The following EFTUD2 variants were observed in gnomAD, a reference collection of about 807,000 sequenced individuals.
EFTUD2 encodes the protein elongation factor Tu GTP binding domain containing 2.
In EFTUD2, 9 loss-of-function variants were observed where a neutral mutation model predicts 114.3. The ratio of observed to expected loss-of-function variants is 0.08; its 90% CI spans 0.05 to 0.14. EFTUD2 has a LOEUF of 0.14. Among genes scored for constraint, EFTUD2 ranks in the 10% least tolerant of loss-of-function variants. The pLI is 1.00. For synonymous variants in EFTUD2, 449 were observed against 462.3 expected (o/e 0.97, Z 0.37); for missense variants, 765 against 1,241.2 (o/e 0.62, Z 5.76).
chr17:44,865,498 C>T (rs1293149811), intron 13 of EFTUD2, among the ~76,000 whole-genome samples: 1 of 152,168 alleles, frequency 6.6e-6, no homozygotes, highest in Non-Finnish European at 1.5e-5. Flanking sequence ...GCTAAATCAC[C>T]CTCAGTAGAC....
In EFTUD2 at chr17:44,850,105, C is replaced by G; in HGVS notation, c.*1169G>C. ...CCTTGCAGGCTGCTGTGAGGTTTCT[C>G]AGATACACAATACATGTGAAAGTGT... On this transcript the variant is annotated 3_prime_UTR_variant, in exon 28 of 28. Transcript: ENST00000426333. 2.1e-6 allele frequency: 1 copy of G among 466,134 alleles called. No homozygotes were observed. The highest frequency in any genetic ancestry group is 3.2e-5 in the East Asian group (1 of 31,282). 28.9% of individuals were successfully genotyped at this position (466,134 alleles called of 1,614,324 possible). A position where few individuals can be genotyped will look rare whatever the true frequency, so the allele number is the denominator to read the frequency against.
chr17:44,892,520 G>T (rs1023393298), intron 2 of EFTUD2, among the ~76,000 whole-genome samples: 5 of 152,086 alleles, frequency 3.3e-5, no homozygotes, highest in African/African-American at 9.6e-5. Context: ...GGTTAACTGG[G>T]GAAGAAGAGT....
chr17:44,876,398 G>C (rs2050949501), intron 9 of EFTUD2, among the ~76,000 whole-genome samples: 1 of 152,182 alleles, frequency 6.6e-6, no homozygotes, highest in Non-Finnish European at 1.5e-5. Context: ...TGCTGAAATG[G>C]AATTGGGGGT....
chr17:44,863,663 C>A lies in EFTUD2; in HGVS notation c.1405G>T (p.Asp469Tyr). 6.2e-7 allele frequency: 1 copy of A among 1,613,674 alleles called. No individual in the cohort carries two copies. Among genetic ancestry groups the A allele is most frequent in the South Asian group, 1.1e-5 (1 of 90,980 alleles). The part of the protein sequence containing the change: ...SDLGEAMSDC[D>Y]PDGPLMCHTT... ...GAGCCACATGCCCTTACATCAGGGT[C>A]ACAGTCACTCATAGCCTCGCCGAGG... Residue 469 changes from aspartate to tyrosine, a missense_variant, in exon 15 of 28, where the codon GAC becomes TAC. Coordinates refer to ENST00000426333, the MANE Select transcript of EFTUD2 (RefSeq NM_004247.4).
In EFTUD2 at chr17:44,854,216, C is replaced by G; in HGVS notation, c.2347+53G>C. On this transcript the variant is annotated intron_variant, in intron 23 of 27. Coordinates refer to ENST00000426333, the MANE Select transcript of EFTUD2 (RefSeq NM_004247.4). The surrounding 1 kb of genome is among the most constrained non-coding windows in gnomAD (Gnocchi z 4.3). ...ATGGTGAGCCCATCCCACTCATATG[C>G]CTGGCTGCAAGGACCCTCGAGGACT... The G allele has an allele frequency of 2.6e-6, 4 of 1,554,598 alleles. No homozygotes were observed. The highest frequency in any genetic ancestry group is 3.5e-6 in the Non-Finnish European group (4 of 1,144,786).
chr17:44,891,940 A>C (rs527568916), intron 2 of EFTUD2: 5 of 152,004 alleles, frequency 3.3e-5, no homozygotes, highest in Admixed American at 2.0e-4. Context: ...TTGTATTTTT[A>C]GTAGAGACGG....
intron 9 of EFTUD2, among the ~76,000 whole-genome samples, chr17:44,878,861 CAA>C (rs2051019313): frequency 6.6e-6 from 1 of 152,108 alleles, no homozygotes; most frequent in African/African-American, 2.4e-5. Context: ...TAAGGTTAGC[CAA>C]AGTGTTCCAT....
At position 44,880,651 on chromosome 17, in the gene EFTUD2, G is replaced by C; in HGVS notation, c.529-7C>G. The C allele has an allele frequency of 6.2e-7, 1 of 1,611,922 alleles. No homozygotes were observed. The highest frequency in any genetic ancestry group is 8.5e-7 in the Non-Finnish European group (1 of 1,178,396). On this transcript the variant is annotated splice_polypyrimidine_tract_variant and splice_region_variant and intron_variant, in intron 7 of 27. Coordinates refer to ENST00000426333, the MANE Select transcript of EFTUD2 (RefSeq NM_004247.4). ...TTTTGATGCCTACACCTCTCTGAAA[G>C]GAACAAAGAGTGGTCAAGACCTCTT...
intron 2 of EFTUD2, among the ~76,000 whole-genome samples, chr17:44,893,427 T>C (rs2051318993): frequency 1.3e-5 from 2 of 152,182 alleles, no homozygotes; most frequent in Non-Finnish European, 2.9e-5. Context: ...GGGCCCTTTC[T>C]ATTGCTTTTA....
Position 44,854,214 on chromosome 17 carries a change from T to C in EFTUD2, c.2347+55A>G. On this transcript the variant is annotated intron_variant, in intron 23 of 27. Coordinates refer to ENST00000426333, the MANE Select transcript of EFTUD2 (RefSeq NM_004247.4). The surrounding 1 kb of genome is among the most constrained non-coding windows in gnomAD (Gnocchi z 4.3). ...AGATGGTGAGCCCATCCCACTCATATGCCTGGCTGCAAGGACCCTCGAGGA... is the reference window on the plus strand; with the variant it reads ...AGATGGTGAGCCCATCCCACTCATACGCCTGGCTGCAAGGACCCTCGAGGA... The C allele has an allele frequency of 1.3e-6, 2 of 1,550,744 alleles. No individual in the cohort carries two copies. Among genetic ancestry groups the C allele is most frequent in the Non-Finnish European group, 1.8e-6 (2 of 1,141,716 alleles).
At chr17:44,858,203 T>G (rs1680543744) in intron 19 of EFTUD2, among the ~76,000 whole-genome samples, 1 of 152,150 alleles carries the variant, frequency 6.6e-6, no homozygotes, top group South Asian at 2.1e-4. Flanking sequence ...GTTACAGGCG[T>G]GAGCCACCGT....
rs139539083 is a variant in EFTUD2, at chr17:44,860,489, A to T, written c.1662T>A (p.Gly554=). The T allele has an allele frequency of 3.3e-4, 535 of 1,613,782 alleles. No individual in the cohort carries two copies. Among genetic ancestry groups the T allele is most frequent in the Non-Finnish European group, 8.1e-5 (95 of 1,179,986 alleles). The change falls in exon 17 of 28, where the codon GGT becomes GGA. Residue 554 remains glycine, a synonymous_variant. Coordinates refer to ENST00000426333, the MANE Select transcript of EFTUD2 (RefSeq NM_004247.4). ...CTGTCTTCACAATTGGTTGATCAAC[A>T]CCTTCAATCAGAACCCAGTTGCCAG... ...VPAGNWVLIE[G]VDQPIVKTAT...
At position 44,886,620 on chromosome 17, in the gene EFTUD2, G is replaced by C. The variant is rs1567752354; in HGVS notation, c.236C>G (p.Thr79Ser). The change falls in exon 3 of 28, where the codon ACC (threonine) becomes AGC (serine). Residue 79 changes from threonine to serine, a missense_variant. Coordinates refer to ENST00000426333, the MANE Select transcript of EFTUD2 (RefSeq NM_004247.4). ...CTGAGTGTCTTCCTCTTGAACTATG[G>C]TCTCCACCTCAGGACCATACACCTC... is the stretch of plus-strand genomic sequence containing the variant. Reference protein sequence around the residue: ...AEEVYGPEVETIVQEEDTQPL... With the variant: ...AEEVYGPEVESIVQEEDTQPL... The C allele has an allele frequency of 6.2e-7, 1 of 1,614,040 alleles. No homozygotes were observed. Among genetic ancestry groups the C allele is most frequent in the Non-Finnish European group, 8.5e-7 (1 of 1,180,014 alleles).
chr17:44,858,168 C>T (rs1597793467), intron 19 of EFTUD2, among the ~76,000 whole-genome samples: 1 of 152,034 alleles, frequency 6.6e-6, no homozygotes, highest in African/African-American at 2.4e-5. Flanking sequence ...GCAATCCAAC[C>T]GCCTTGGACT....
intron 9 of EFTUD2, among the ~76,000 whole-genome samples, chr17:44,877,815 AAACAACAAC>A (rs142050964): frequency 1.3e-5 from 2 of 149,564 alleles, no homozygotes; most frequent in Admixed American, 6.7e-5. Flanking sequence ...CAAAAAAACA[AAACAACAAC>A]AACAACAACA....
intron 6 of EFTUD2, 130 bp from the exon 7 acceptor site, chr17:44,881,852 G>A (rs1464350551): frequency 8.6e-6 from 7 of 813,202 alleles, no homozygotes; most frequent in East Asian, 2.7e-5. Flanking sequence ...GAGAGAGCAG[G>A]GTGTCCCCAC....
intron 4 of EFTUD2, chr17:44,884,265 C>G (rs1416949626): frequency 6.6e-6 from 1 of 152,122 alleles, no homozygotes; most frequent in Non-Finnish European, 1.5e-5. Flanking sequence ...TCAGGTGATC[C>G]ACCTGCCCTG....
intron 2 of EFTUD2, among the ~76,000 whole-genome samples, chr17:44,888,118 C>T (rs2051210224): frequency 6.6e-6 from 1 of 152,158 alleles, no homozygotes; most frequent in Non-Finnish European, 1.5e-5. Flanking sequence ...AATGCAAAGG[C>T]CCAGAGCCAA....
intron 16 of EFTUD2, among the ~76,000 whole-genome samples, chr17:44,862,324 A>G (rs1400814972): frequency 6.6e-6 from 1 of 151,956 alleles, no homozygotes; most frequent in African/African-American, 2.4e-5. Flanking sequence ...AGTTCCAGCT[A>G]CTCAGGAGGC....
Sources: gnomAD v4.1 joint callset for allele counts (sites outside exome capture counted in the v4.1 genomes callset) on GRCh38, gnomAD v4.1.1 for gene constraint, Gnocchi (gnomAD v3.1) non-coding constraint, MANE v1.5 for transcripts, NCBI Gene and HGNC (gene_info 2026-07-23, HGNC 2026-07-21) for gene names.